GRAMD1C: variants seen among roughly 807,000 people sequenced by gnomAD.
GRAMD1C encodes the protein GRAM domain containing 1C, also known as protein Aster-C.
In GRAMD1C, 89 loss-of-function variants were observed where a neutral mutation model predicts 97.8. That is an observed-to-expected ratio of 0.91 (90% CI 0.77 to 1.09). The LOEUF (loss-of-function observed/expected upper bound fraction) is 1.09. Ranked by LOEUF, GRAMD1C falls within the 50% of genes least tolerant of loss-of-function variation. The probability of loss-of-function intolerance (pLI) is 0.00; values close to 1 mark genes in which losing one functional copy is unlikely to be tolerated. For synonymous variants in GRAMD1C, 256 were observed against 267.0 expected (o/e 0.96, Z 0.40); for missense variants, 740 against 766.4 (o/e 0.97, Z 0.41).
intron 1 of GRAMD1C, 71 bp downstream of exon 1, chr3:113,839,007 T>A: frequency 1.0e-6 from 1 of 955,574 alleles, no homozygotes; most frequent in Non-Finnish European, 1.4e-6. Context: ...CGGTGATTGC[T>A]TGAACCTTCT....
rs565442133 is a variant in GRAMD1C at position 113,897,103 on chromosome 3, CTT to C, written c.541-3927_541-3926del. Among the ~76,000 whole-genome samples the C allele has an allele frequency of 3.7e-3, 564 of 152,212 alleles. 2 individuals carry two copies. Among genetic ancestry groups the C allele is most frequent in the African/African-American group, 0.013 (532 of 41,538 alleles). ...AACAGCTGGCTCTTCCTGCTATTTC[CTT>C]ACGTTACATTTACAGCACTCAGAGA... On this transcript the variant is annotated intron_variant, in intron 6 of 17. Transcript: ENST00000358160.
chr3:113,828,677 T>C (rs1709518692), intron 1 of GRAMD1C, among the ~76,000 whole-genome samples: 1 of 152,310 alleles, frequency 6.6e-6, no homozygotes, highest in South Asian at 2.1e-4. Context: ...CCCTTTTTCA[T>C]TGAAGATTTT....
intron 17 of GRAMD1C, among the ~76,000 whole-genome samples, chr3:113,941,270 G>T (rs530706354): frequency 5.9e-5 from 9 of 152,124 alleles, no homozygotes; most frequent in Non-Finnish European, 8.8e-5. Flanking sequence ...TTCCAGTATT[G>T]CTATTGAGAA....
At chr3:113,859,659 T>G (rs1934288308) in intron 2 of GRAMD1C, among the ~76,000 whole-genome samples, 1 of 152,152 alleles carries the variant, frequency 6.6e-6, no homozygotes, top group Admixed American at 6.5e-5. Flanking sequence ...GAGAAAATCT[T>G]AATAGACCTA....
intron 10 of GRAMD1C, among the ~76,000 whole-genome samples, chr3:113,923,351 C>T (rs1456555181): frequency 2.0e-5 from 3 of 152,102 alleles, no homozygotes; most frequent in Non-Finnish European, 4.4e-5. Flanking sequence ...TTCCAGTTCT[C>T]AAGGGGAATT....
In GRAMD1C at chr3:113,882,400, G is replaced by A. The variant is rs150540534; in HGVS notation, c.460-352G>A. On this transcript the variant is annotated intron_variant, in intron 5 of 17. Transcript: ENST00000358160. The stretch of plus-strand genomic sequence containing the variant: ...AGTGGCAGCCAATTCATATCTCTTC[G>A]CAAAGTTCAGAATAAAATAAAGTTT... 3.0e-3 allele frequency among the ~76,000 whole-genome samples: 460 copies of A among 151,682 alleles called. 2 individuals carry two copies. Among genetic ancestry groups the A allele is most frequent in the African/African-American group, 0.011 (441 of 41,324 alleles).
At chr3:113,887,571 G>C (rs996556285) in intron 6 of GRAMD1C, among the ~76,000 whole-genome samples, 1 of 149,918 alleles carries the variant, frequency 6.7e-6, no homozygotes, top group Non-Finnish European at 1.5e-5. Flanking sequence ...ATGGTGGTAG[G>C]GCACCTGTAG....
chr3:113,869,804 G>A (rs1289499968), intron 3 of GRAMD1C, among the ~76,000 whole-genome samples: 1 of 152,162 alleles, frequency 6.6e-6, no homozygotes, highest in Non-Finnish European at 1.5e-5. Context: ...GCACATTCAT[G>A]TTTATTGTAG....
At chr3:113,921,532 C>T (rs1225857610) in intron 10 of GRAMD1C, among the ~76,000 whole-genome samples, 1 of 152,326 alleles carries the variant, frequency 6.6e-6, no homozygotes, top group East Asian at 1.9e-4. Flanking sequence ...TGAGAAATTG[C>T]CAAATTGCTT....
rs766164685 is a variant in GRAMD1C at position 113,904,192 on chromosome 3, T to C, written c.709T>C (p.Ser237Pro). 6.2e-7 allele frequency: 1 copy of C among 1,607,780 alleles called. No homozygotes were observed. Among genetic ancestry groups the C allele is most frequent in the South Asian group, 1.1e-5 (1 of 90,958 alleles). Residue 237 changes from serine to proline, a missense_variant, in exon 8 of 18, where the codon TCC (serine) becomes CCC (proline). Transcript: ENST00000358160. ...CTCTGGGGAGAGAGATGAAAAATTATCCAAGTCAATCAGTTTTACCAGTGA... is the reference window on the plus strand; with the variant it reads ...CTCTGGGGAGAGAGATGAAAAATTACCCAAGTCAATCAGTTTTACCAGTGA... ...DDSGERDEKL[S>P]KSISFTSESI...
intron 2 of GRAMD1C, among the ~76,000 whole-genome samples, chr3:113,862,009 C>T (rs937899495): frequency 6.6e-6 from 1 of 152,062 alleles, no homozygotes; most frequent in South Asian, 2.1e-4. Context: ...GGAGGGAGTG[C>T]ACAAATAGGG....
chr3:113,881,396 G>A (rs1019802481), intron 5 of GRAMD1C, among the ~76,000 whole-genome samples: 2 of 152,198 alleles, frequency 1.3e-5, no homozygotes, highest in Non-Finnish European at 2.9e-5. Flanking sequence ...GACCTCAGGT[G>A]ATCCACCCAT....
chr3:113,881,086 T>C (rs754145489), intron 5 of GRAMD1C, among the ~76,000 whole-genome samples: 4 of 152,200 alleles, frequency 2.6e-5, no homozygotes, highest in Non-Finnish European at 5.9e-5. Context: ...GAGGTATCAT[T>C]ATCTAGAACT....
intron 1 of GRAMD1C, among the ~76,000 whole-genome samples, chr3:113,828,761 T>C (rs1709520324): frequency 6.6e-6 from 1 of 152,200 alleles, no homozygotes; most frequent in African/African-American, 2.4e-5. Context: ...ACTAAGGTTA[T>C]ACTTTCAATT....
chr3:113,873,144 C>T (rs72952699), intron 3 of GRAMD1C, among the ~76,000 whole-genome samples: 42,554 of 143,982 alleles, frequency 0.3, 6,443 homozygotes, highest in Middle Eastern at 0.4. Flanking sequence ...CTTTTAATCC[C>T]AGCTACTCGG....
At chr3:113,935,416 G>T (rs533390294) in intron 13 of GRAMD1C, among the ~76,000 whole-genome samples, 2 of 152,070 alleles carry the variant, frequency 1.3e-5, no homozygotes, top group East Asian at 3.9e-4. Flanking sequence ...TTGGAGGTGG[G>T]TACTAGAGAC....
At chr3:113,868,296 T>G (rs529378572) in intron 2 of GRAMD1C, among the ~76,000 whole-genome samples, 48 of 152,308 alleles carry the variant, frequency 3.2e-4, no homozygotes, top group African/African-American at 1.2e-3. Context: ...TCAAAGGCTA[T>G]TTCTGTTTTT....
chr3:113,857,623 A>G (rs1183212720), intron 2 of GRAMD1C, among the ~76,000 whole-genome samples: 3 of 151,766 alleles, frequency 2.0e-5, no homozygotes, highest in Non-Finnish European at 4.4e-5. Flanking sequence ...TGATCCTCCC[A>G]CCTTGGCCTC....
chr3:113,920,214 C>CA, intron 10 of GRAMD1C: 6 of 1,175,954 alleles, frequency 5.1e-6, no homozygotes, highest in East Asian at 2.5e-5. Flanking sequence ...GAATAGGAGA[C>CA]CAAAAAAAAA....
Sources: allele counts gnomAD v4.1 joint callset (sites outside exome capture counted in the v4.1 genomes callset), GRCh38; gene constraint gnomAD v4.1.1; transcripts MANE v1.5; gene names NCBI Gene and HGNC (gene_info 2026-07-23, HGNC 2026-07-21).